The following RPGRIP1L variants were observed in gnomAD, a reference collection of about 807,000 sequenced individuals.
RPGRIP1L encodes the protein RPGRIP1 like.
A neutral mutation model predicts 160.4 loss-of-function variants in RPGRIP1L; 131 were observed. The ratio of observed to expected loss-of-function variants is 0.82; its 90% CI spans 0.71 to 0.94. The LOEUF is 0.94. RPGRIP1L is among the 40% of genes least tolerant of loss of function. The pLI, the probability that RPGRIP1L is intolerant of heterozygous loss-of-function variation, is 0.00. For missense variants in RPGRIP1L, 1,522 were observed against 1,535.8 expected (o/e 0.99, Z 0.15); for synonymous variants, 510 against 515.8 (o/e 0.99, Z 0.15).
intron 6 of RPGRIP1L, among the ~76,000 whole-genome samples, chr16:53,680,794 T>G (rs1969548244): frequency 6.8e-6 from 1 of 146,942 alleles, no homozygotes; most frequent in Non-Finnish European, 1.5e-5. Flanking sequence ...GGGAGAGAGG[T>G]GAAGAGAAGG....
chr16:53,690,458 A>G (rs1161708173), intron 4 of RPGRIP1L, among the ~76,000 whole-genome samples: 5 of 152,048 alleles, frequency 3.3e-5, no homozygotes, highest in Admixed American at 2.0e-4. Context: ...GACCTCCCAA[A>G]GTGCTGGGAT....
chr16:53,653,259 G>C (rs762585842), intron 14 of RPGRIP1L: 27 of 922,296 alleles, frequency 2.9e-5, no homozygotes, highest in Non-Finnish European at 3.4e-5. Flanking sequence ...AAGAAGAAAA[G>C]CGCTCTTAAT....
At chr16:53,681,519 CACAG>C (rs1969604719) in intron 6 of RPGRIP1L, among the ~76,000 whole-genome samples, 1 of 152,080 alleles carries the variant, frequency 6.6e-6, no homozygotes, top group South Asian at 2.1e-4. Context: ...TTCAAAACAA[CACAG>C]ACATTCAGGC....
intron 23 of RPGRIP1L, among the ~76,000 whole-genome samples, chr16:53,621,205 T>C (rs1964684249): frequency 1.3e-5 from 2 of 152,150 alleles, no homozygotes; most frequent in Admixed American, 1.3e-4. Flanking sequence ...AAAACTTGCA[T>C]TATTGTAAGA....
chr16:53,623,046 A>G (rs1964843589), intron 22 of RPGRIP1L, among the ~76,000 whole-genome samples: 1 of 152,140 alleles, frequency 6.6e-6, no homozygotes. Flanking sequence ...TCAATGATTC[A>G]CTGAATTGTT....
chr16:53,610,860 AC>A, intron 25 of RPGRIP1L, 106 bp downstream of exon 25: 1 of 883,574 alleles, frequency 1.1e-6, no homozygotes, highest in South Asian at 1.3e-5. Context: ...GAGTCAGAGA[AC>A]CCCGATGTTC....
intron 2 of RPGRIP1L, among the ~76,000 whole-genome samples, chr16:53,698,831 CG>C (rs1211954738): frequency 6.7e-6 from 1 of 148,208 alleles, no homozygotes; most frequent in African/African-American, 2.5e-5. Flanking sequence ...TCTGCCCGGC[CG>C]CCCCTACTGG....
intron 3 of RPGRIP1L, among the ~76,000 whole-genome samples, chr16:53,693,033 T>G (rs1970493082): frequency 6.6e-6 from 1 of 152,216 alleles, no homozygotes; most frequent in Non-Finnish European, 1.5e-5. Flanking sequence ...CTCAGGAGTT[T>G]ATACCTTTGA....
intron 14 of RPGRIP1L, among the ~76,000 whole-genome samples, chr16:53,655,758 A>G (rs1967202800): frequency 1.3e-5 from 2 of 152,226 alleles, no homozygotes; most frequent in South Asian, 4.1e-4. Flanking sequence ...AGGAAACTAC[A>G]TTTTAAACGA....
chr16:53,649,045 T>G lies in RPGRIP1L; in HGVS notation c.2223A>C (p.Gln741His), dbSNP rs113948999. The change falls in exon 16 of 27, where the codon CAA becomes CAC. Residue 741 changes from glutamine to histidine, a missense_variant. Gln to His is a conservative substitution (Grantham distance 24, BLOSUM62 0). Transcript: ENST00000647211. ...YWFRLRVPMDQAIRLYRERAK... is the reference protein window; with the variant it reads ...YWFRLRVPMDHAIRLYRERAK... The stretch of plus-strand genomic sequence containing the variant: ...CCCTTTCTCGATAAAGTCGAATTGC[T>G]TGATCCATGGGAACTCTTAATCGGA... 1 of 1,614,048 alleles carries G rather than the reference T, an allele frequency of 6.2e-7. No homozygotes were observed. Among genetic ancestry groups the G allele is most frequent in the South Asian group, 1.1e-5 (1 of 91,078 alleles).
At chr16:53,640,103 T>G (rs1469112178) in intron 19 of RPGRIP1L, among the ~76,000 whole-genome samples, 1 of 152,086 alleles carries the variant, frequency 6.6e-6, no homozygotes, top group Non-Finnish European at 1.5e-5. Context: ...AGCTGACACC[T>G]TTTGTGGATG....
chr16:53,690,505 T>C (rs1448672013), intron 4 of RPGRIP1L, among the ~76,000 whole-genome samples: 1 of 152,150 alleles, frequency 6.6e-6, no homozygotes, highest in African/African-American at 2.4e-5. Context: ...CTAGACTCAC[T>C]TATTTTTAGA....
chr16:53,626,123 A>C (rs1464575889), intron 22 of RPGRIP1L, among the ~76,000 whole-genome samples: 1 of 145,426 alleles, frequency 6.9e-6, no homozygotes, highest in African/African-American at 2.7e-5. Context: ...CCGAGAAACA[A>C]CCAAGAATGA....
At chr16:53,651,227 T>C (rs1422403266) in intron 15 of RPGRIP1L, among the ~76,000 whole-genome samples, 2 of 152,196 alleles carry the variant, frequency 1.3e-5, no homozygotes, top group East Asian at 1.9e-4. Context: ...ATTTCCCTCA[T>C]TATCACACAT....
At chr16:53,625,536 C>T (rs1282727119) in intron 22 of RPGRIP1L, among the ~76,000 whole-genome samples, 6 of 147,802 alleles carry the variant, frequency 4.1e-5, no homozygotes, top group African/African-American at 1.0e-4. Flanking sequence ...GGGGCGCCTC[C>T]GCCCGGCAGC....
At chr16:53,671,980 G>A (rs1238453475) in intron 8 of RPGRIP1L, among the ~76,000 whole-genome samples, 1 of 151,992 alleles carries the variant, frequency 6.6e-6, no homozygotes, top group East Asian at 1.9e-4. Context: ...AATTAAAAGA[G>A]TTAACTTTTT....
intron 2 of RPGRIP1L, among the ~76,000 whole-genome samples, chr16:53,699,386 T>TAAAAAAAAA (rs10652484): frequency 1.3e-4 from 10 of 77,420 alleles, no homozygotes; most frequent in African/African-American, 2.4e-4. Flanking sequence ...GAATGATCAA[T>TAAAAAAAAA]AAAAAAAAAA....
intron 24 of RPGRIP1L, among the ~76,000 whole-genome samples, chr16:53,616,854 T>C (rs1378573509): frequency 6.6e-6 from 1 of 151,666 alleles, no homozygotes; most frequent in Non-Finnish European, 1.5e-5. Context: ...GGTGGATCAC[T>C]TGAGGTCAGG....
chr16:53,667,408 GA>G (rs1968362389), intron 9 of RPGRIP1L, among the ~76,000 whole-genome samples: 1 of 152,210 alleles, frequency 6.6e-6, no homozygotes, highest in South Asian at 2.1e-4. Flanking sequence ...CCTAATGTGA[GA>G]GACAGGAAAG....
Sources: gnomAD v4.1 joint callset for allele counts (sites outside exome capture counted in the v4.1 genomes callset) on GRCh38, gnomAD v4.1.1 for gene constraint, MANE v1.5 for transcripts, NCBI Gene and HGNC (gene_info 2026-07-23, HGNC 2026-07-21) for gene names.